Variants in PYGL observed in about 807,000 individuals in gnomAD.
PYGL encodes the protein glycogen phosphorylase, liver form.
A neutral mutation model predicts 100.1 loss-of-function variants in PYGL; 90 were observed. The ratio of observed to expected loss-of-function variants is 0.90; its 90% confidence interval spans 0.76 to 1.07. The LOEUF (loss-of-function observed/expected upper bound fraction) is 1.07. Among genes scored for constraint, PYGL ranks in the 50% least tolerant of loss-of-function variants. The pLI, the probability that PYGL is intolerant of heterozygous loss-of-function variation, is 0.00. For missense variants in PYGL, 1,016 were observed against 1,057.6 expected, an observed-to-expected ratio of 0.96 and a Z score of 0.55; for synonymous variants, 373 against 393.0, an observed-to-expected ratio of 0.95 and a Z score of 0.60.
chr14:50,912,436 G>A lies in PYGL; in HGVS notation c.1621-133C>T, dbSNP rs370339010. ...TGCAGTGGCATGATCTCAGATCACCGCAGCCTCCACCTCCCACATTCAAGC... is the reference window on the plus strand; with the variant it reads ...TGCAGTGGCATGATCTCAGATCACCACAGCCTCCACCTCCCACATTCAAGC... On this transcript the variant is annotated intron_variant, in intron 13 of 19. Coordinates refer to ENST00000216392, the MANE Select transcript of PYGL (RefSeq NM_002863.5). The A allele has an allele frequency of 7.2e-5, 79 of 1,092,652 alleles. No homozygotes were observed. The African/African-American group carries it at 7.9e-4, about 11-fold the overall frequency. The allele number at this position is 1,092,652 out of a possible 1,614,324, so 67.7% of individuals were successfully genotyped here.
Position 50,911,782 on chromosome 14 carries a change from G to C in PYGL, c.1917C>G (p.Ser639Arg). ...TCTCCAAGAAGATGACTTTCAACTTGCTTCCAACCATAGGGTCATTGTTCA... is the reference window on the plus strand; with the variant it reads ...TCTCCAAGAAGATGACTTTCAACTTCCTTCCAACCATAGGGTCATTGTTCA... Reference protein sequence around the residue: ...DVVNNDPMVGSKLKVIFLENY... With the variant: ...DVVNNDPMVGRKLKVIFLENY... The change falls in exon 16 of 20, where the codon AGC (serine) becomes AGG (arginine). Residue 639 changes from serine (S) to arginine (R), a missense_variant. By Grantham distance (110) the Ser-to-Arg change is moderately radical (BLOSUM62 -1). Transcript: ENST00000216392. The C allele has an allele frequency of 6.2e-7, 1 of 1,614,128 alleles. No individual in the cohort carries two copies.
In PYGL at chr14:50,905,263, A is replaced by G. The variant is rs886050536; in HGVS notation, c.*129T>C. On this transcript the variant is annotated 3_prime_UTR_variant, in exon 20 of 20. Transcript: ENST00000216392. The stretch of plus-strand genomic sequence containing the variant: ...TTATTTTTAAGCTCTATTACATATA[A>G]TTTCCCTCCCCATTCCCAGAGATAC... 6 of 983,876 alleles carry G rather than the reference A, an allele frequency of 6.1e-6. No homozygotes were observed. In the East Asian group the frequency reaches 1.5e-4, roughly 25 times the overall value. The allele number at this position is 983,876 out of a possible 1,614,324, so 60.9% of individuals were successfully genotyped here. A position where few individuals can be genotyped will look rare whatever the true frequency, so the allele number is the denominator to read the frequency against.
chr14:50,933,300 T>C (rs1260460527), intron 3 of PYGL, among the ~76,000 whole-genome samples: 1 of 152,210 alleles, frequency 6.6e-6, no homozygotes, highest in African/African-American at 2.4e-5. Context: ...GATAATTAAC[T>C]TCACAGGAAG....
intron 7 of PYGL, 112 bp downstream of exon 7, chr14:50,920,429 G>T (rs1314625279): frequency 5.6e-6 from 6 of 1,070,906 alleles, no homozygotes; most frequent in African/African-American, 1.6e-5. Flanking sequence ...TACGGAGCTT[G>T]TTCTGCACAT....
intron 11 of PYGL, 185 bp downstream of exon 11, chr14:50,915,151 A>G (rs1269945502): frequency 2.3e-5 from 18 of 799,866 alleles, no homozygotes; most frequent in Admixed American, 2.8e-5. Context: ...TCTGAGAGGA[A>G]AGCATTCTTT....
chr14:50,915,818 G>T lies in PYGL; in HGVS notation c.1239+7C>A, dbSNP rs1230050083. 1.2e-6 allele frequency: 2 copies of T among 1,613,006 alleles called. No individual in the cohort carries two copies. The highest frequency in any genetic ancestry group is 1.1e-5 in the South Asian group (1 of 90,994). Reference sequence around the variant, plus strand: ...ATGAACAGAGAAAATCTCTCAAAATGACTTACATCTAAATGCTTCTGATTT... The same window carrying T: ...ATGAACAGAGAAAATCTCTCAAAATTACTTACATCTAAATGCTTCTGATTT... On this transcript the variant is annotated splice_region_variant and intron_variant, in intron 10 of 19. Coordinates refer to ENST00000216392, the MANE Select transcript of PYGL (RefSeq NM_002863.5).
chr14:50,943,916 G>T (rs1267648857), intron 1 of PYGL, among the ~76,000 whole-genome samples: 1 of 152,242 alleles, frequency 6.6e-6, no homozygotes, highest in Non-Finnish European at 1.5e-5. Context: ...GGGGCGGACG[G>T]CACAGTGGTT....
At chr14:50,916,775 TC>T in intron 8 of PYGL, 41 bp from the exon 9 acceptor site, 1 of 1,588,498 alleles carries the variant, frequency 6.3e-7, no homozygotes, top group Non-Finnish European at 8.6e-7. Flanking sequence ...AACGGATGGC[TC>T]AGGGTCTGGC....
intron 4 of PYGL, among the ~76,000 whole-genome samples, chr14:50,926,168 T>C (rs1482568532): frequency 6.6e-6 from 1 of 152,058 alleles, no homozygotes; most frequent in Non-Finnish European, 1.5e-5. Flanking sequence ...CTGGGCAACA[T>C]AGTGAGAACC....
At position 50,916,959 on chromosome 14, in the gene PYGL, T is replaced by C. The variant is rs2050457847; in HGVS notation, c.999+3A>G. On this transcript the variant is annotated splice_donor_region_variant and intron_variant, in intron 8 of 19. Coordinates refer to ENST00000216392, the MANE Select transcript of PYGL (RefSeq NM_002863.5). ...TAACTGCATCCACAGACTAAATACT[T>C]GCCTGATCCGGGAAGGCATCAAACA... is the stretch of plus-strand genomic sequence containing the variant. 6.2e-7 allele frequency: 1 copy of C among 1,614,012 alleles called. No individual in the cohort carries two copies. Among genetic ancestry groups the C allele is most frequent in the Non-Finnish European group, 8.5e-7 (1 of 1,179,978 alleles).
chr14:50,937,861 A>C (rs2050668938), intron 1 of PYGL, 24 bp from the exon 2 acceptor site: 2 of 1,577,748 alleles, frequency 1.3e-6, no homozygotes, highest in Non-Finnish European at 1.7e-6. Flanking sequence ...AAGAGAGATA[A>C]TGTTTCCCCC....
intron 10 of PYGL, 86 bp downstream of exon 10, chr14:50,915,739 G>A: frequency 6.5e-7 from 1 of 1,529,408 alleles, no homozygotes. Flanking sequence ...ATTGAAAGAT[G>A]TTTGGTAAGA....
intron 4 of PYGL, among the ~76,000 whole-genome samples, chr14:50,927,569 G>A (rs1323432415): frequency 2.0e-5 from 3 of 152,124 alleles, no homozygotes; most frequent in Non-Finnish European, 2.9e-5. Context: ...GATTCTTAAT[G>A]CCATCAAATG....
chr14:50,924,206 T>C, intron 4 of PYGL, 106 bp from the exon 5 acceptor site: 1 of 1,331,036 alleles, frequency 7.5e-7, no homozygotes. Flanking sequence ...TGAAACAACT[T>C]ATGAATACTG....
chr14:50,935,446 C>T (rs897685065), intron 2 of PYGL, among the ~76,000 whole-genome samples: 2 of 152,176 alleles, frequency 1.3e-5, no homozygotes, highest in African/African-American at 2.4e-5. Flanking sequence ...TGACCCTGGG[C>T]AAGCTACTAA....
intron 19 of PYGL, among the ~76,000 whole-genome samples, chr14:50,906,417 C>T (rs1328829230): frequency 6.6e-6 from 1 of 152,190 alleles, no homozygotes; most frequent in Non-Finnish European, 1.5e-5. Flanking sequence ...AGCTTTCTCT[C>T]TTCATTTTCT....
At chr14:50,927,861 T>A (rs2050566680) in intron 4 of PYGL, among the ~76,000 whole-genome samples, 1 of 152,236 alleles carries the variant, frequency 6.6e-6, no homozygotes, top group Non-Finnish European at 1.5e-5. Context: ...TGATAAACCT[T>A]CTCTCTACCT....
intron 1 of PYGL, among the ~76,000 whole-genome samples, chr14:50,940,600 T>TA (rs562292324): frequency 5.3e-5 from 8 of 152,346 alleles, no homozygotes; most frequent in East Asian, 1.9e-4. Context: ...TGGGAATATA[T>TA]AAGACTTCAA....
In PYGL at chr14:50,923,990, C is replaced by G; in HGVS notation, c.639G>C (p.Gly213=). ...ATACTTGAGTGTCAATCCACTTGGT[C>G]CCGGTGTTGGTGTGTTCTACTTTTC... ...FYGKVEHTNT[G]TKWIDTQVVL... Residue 213 remains glycine, a synonymous_variant, in exon 5 of 20, where the codon GGG becomes GGC. Transcript: ENST00000216392. The G allele has an allele frequency of 6.2e-7, 1 of 1,613,898 alleles. No individual in the cohort carries two copies. The highest frequency in any genetic ancestry group is 8.5e-7 in the Non-Finnish European group (1 of 1,179,842).
Sources: allele counts gnomAD v4.1 joint callset (sites outside exome capture counted in the v4.1 genomes callset), GRCh38; gene constraint gnomAD v4.1.1; transcripts MANE v1.5; gene names NCBI Gene and HGNC (gene_info 2026-07-23, HGNC 2026-07-21).